ZC3H18: variants seen among roughly 807,000 people sequenced by gnomAD.
The protein encoded by ZC3H18 is zinc finger CCCH-type containing 18.
Under a neutral mutation model 106.1 loss-of-function variants are expected in ZC3H18, and 8 were observed. The observed-to-expected ratio is 0.08, with a 90% CI of 0.04 to 0.14. ZC3H18 has a LOEUF of 0.14. ZC3H18 is among the 10% of genes least tolerant of loss of function. The pLI is 1.00. For missense variants in ZC3H18, 1,318 were observed against 1,278.4 expected (o/e 1.03, Z -0.47); for synonymous variants, 635 against 522.1 (o/e 1.22, Z -2.95).
intron 3 of ZC3H18, among the ~76,000 whole-genome samples, chr16:88,595,705 G>C (rs1001724480): frequency 6.6e-6 from 1 of 151,492 alleles, no homozygotes; most frequent in Non-Finnish European, 1.5e-5. Flanking sequence ...TACTCGGGAG[G>C]CTGAGGCAGG....
rs554138711 is a variant in ZC3H18, at chr16:88,624,335, C to G, written c.1899-267C>G. 65 of 656,314 alleles carry G rather than the reference C, an allele frequency of 9.9e-5. 1 individual carries two copies. In the South Asian group the frequency reaches 1.2e-3, roughly 12 times the overall value. The allele number at this position is 656,314 out of a possible 1,614,324, so 40.7% of individuals were successfully genotyped here. ...AGCCGGGTGTTCTTAAGGGGTCTTC[C>G]TATTAGCCTGCTCTCCCCACTGCCT... On this transcript the variant is annotated intron_variant, in intron 11 of 17. Transcript: ENST00000301011.
At chr16:88,579,358 C>T (rs769399489) in intron 2 of ZC3H18, among the ~76,000 whole-genome samples, 1 of 152,106 alleles carries the variant, frequency 6.6e-6, no homozygotes, top group Non-Finnish European at 1.5e-5. Context: ...CCTGTCTGCA[C>T]CACCACTGGG....
chr16:88,605,064 C>G (rs1325525009), intron 6 of ZC3H18, among the ~76,000 whole-genome samples: 2 of 152,380 alleles, frequency 1.3e-5, no homozygotes, highest in East Asian at 3.9e-4. Flanking sequence ...AGCACACTCC[C>G]TTTCCTCAGG....
intron 1 of ZC3H18, among the ~76,000 whole-genome samples, chr16:88,572,157 CACT>C (rs1914447092): frequency 2.0e-5 from 3 of 152,352 alleles, no homozygotes; most frequent in Admixed American, 6.5e-5. Flanking sequence ...GATTTGCCAC[CACT>C]AAGAATACCA....
At chr16:88,577,788 G>A in intron 2 of ZC3H18, 62 bp downstream of exon 2, 1 of 1,610,114 alleles carries the variant, frequency 6.2e-7, no homozygotes, top group East Asian at 2.2e-5. Flanking sequence ...ATAGACTGGT[G>A]CTGGAAAGGA....
chr16:88,628,807 G>A lies in ZC3H18; in HGVS notation c.2519G>A (p.Arg840Lys), dbSNP rs1280264895. 9.9e-6 allele frequency: 16 copies of A among 1,614,146 alleles called. No homozygotes were observed. The highest frequency in any genetic ancestry group is 1.3e-5 in the Non-Finnish European group (15 of 1,180,010). ...RKRYEPSDKD[R>K]QSPPPAKRPN... is the part of the protein sequence containing the mutation. ...CGCTATGAACCATCAGACAAGGACA[G>A]GCAGAGCCCTCCTCCAGCCAAGCGG... Residue 840 changes from arginine to lysine, a missense_variant, in exon 16 of 18, where the codon AGG (arginine) becomes AAG (lysine). Arg to Lys is a conservative substitution (Grantham distance 26). Around this residue, in one of 6 missense-constraint regions of ZC3H18, gnomAD observed 848 missense variants for 821.7 expected, o/e 1.03. Coordinates refer to ENST00000301011, the MANE Select transcript of ZC3H18 (RefSeq NM_144604.4).
chr16:88,582,350 G>A (rs7185613), intron 2 of ZC3H18, among the ~76,000 whole-genome samples: 25,977 of 147,916 alleles, frequency 0.18, 2,270 homozygotes, highest in East Asian at 0.25. Context: ...TTAGCCTCCC[G>A]ATTAGCTGGG....
In ZC3H18 at chr16:88,631,370, A is replaced by C. The variant is rs563015750; in HGVS notation, c.*71A>C. On this transcript the variant is annotated 3_prime_UTR_variant, in exon 18 of 18. Coordinates refer to ENST00000301011, the MANE Select transcript of ZC3H18 (RefSeq NM_144604.4). The stretch of plus-strand genomic sequence containing the variant: ...CGCAGCCATTTTGGATTTTGCAGTT[A>C]ATGTCTTATTTTGGCTGTGATTCTT... The C allele has an allele frequency of 7.2e-6, 11 of 1,530,616 alleles. No individual in the cohort carries two copies. Among genetic ancestry groups the C allele is most frequent in the Non-Finnish European group, 3.5e-6 (4 of 1,132,214 alleles). The allele number at this position is 1,530,616 out of a possible 1,614,324, so 94.8% of individuals were successfully genotyped here.
intron 6 of ZC3H18, among the ~76,000 whole-genome samples, chr16:88,600,614 T>C (rs1014818865): frequency 1.3e-5 from 2 of 152,212 alleles, no homozygotes; most frequent in East Asian, 3.8e-4. Context: ...GATTTCACCA[T>C]GTTGGCCAGG....
intron 1 of ZC3H18, chr16:88,571,703 A>G: frequency 2.0e-6 from 2 of 984,072 alleles, no homozygotes; most frequent in Non-Finnish European, 1.2e-6. Context: ...CATCGTGTTT[A>G]CAGAGATTTG....
At chr16:88,576,128 C>T (rs1283515505) in intron 1 of ZC3H18, among the ~76,000 whole-genome samples, 1 of 152,098 alleles carries the variant, frequency 6.6e-6, no homozygotes, top group Non-Finnish European at 1.5e-5. Context: ...TCTCGATCTC[C>T]TGACCTCATG....
intron 3 of ZC3H18, among the ~76,000 whole-genome samples, chr16:88,593,881 G>T (rs1019546170): frequency 1.4e-4 from 22 of 152,202 alleles, no homozygotes; most frequent in African/African-American, 4.8e-4. Context: ...ACCATTGCAG[G>T]ATGTCACAGA....
intron 3 of ZC3H18, among the ~76,000 whole-genome samples, chr16:88,595,689 C>G (rs1022338428): frequency 6.6e-6 from 1 of 151,160 alleles, no homozygotes; most frequent in Non-Finnish European, 1.5e-5. Context: ...CACCTGTAAT[C>G]CCAGCTACTC....
intron 6 of ZC3H18, 120 bp from the exon 7 acceptor site, chr16:88,608,814 G>A (rs768805470): frequency 3.7e-5 from 27 of 728,850 alleles, no homozygotes; most frequent in Admixed American, 1.5e-4. Flanking sequence ...CCAACCTTGC[G>A]CTCCTGGAGT....
rs747168656 is a variant in ZC3H18 at position 88,611,335 on chromosome 16, G to C, written c.1274G>C (p.Arg425Pro). The change falls in exon 8 of 18, where the codon CGA (arginine) becomes CCA (proline). Residue 425 changes from arginine (R) to proline (P), a missense_variant. Physicochemically the swap from Arg to Pro is moderately radical, Grantham distance 103. This residue lies in a region of ZC3H18 where 848 missense variants were observed against 821.7 expected (regional missense o/e 1.03). Transcript: ENST00000301011. ...RERERERERD[R>P]ERERRQRERE... Reference sequence around the variant, plus strand: ...CGCGAGCGGGAGCGGGAGCGGGACCGAGAGCGGGAGCGCCGGCAGAGGGAG... The same window carrying C: ...CGCGAGCGGGAGCGGGAGCGGGACCCAGAGCGGGAGCGCCGGCAGAGGGAG... 1.3e-6 allele frequency: 1 copy of C among 783,492 alleles called. No homozygotes were observed. The highest frequency in any genetic ancestry group is 2.0e-5 in the Admixed American group (1 of 50,070). The allele number at this position is 783,492 out of a possible 1,614,324, so 48.5% of individuals were successfully genotyped here. A position where few individuals can be genotyped will look rare whatever the true frequency, so the allele number is the denominator to read the frequency against.
chr16:88,623,814 A>G, intron 10 of ZC3H18, 144 bp from the exon 11 acceptor site: 1 of 1,392,888 alleles, frequency 7.2e-7, no homozygotes, highest in Non-Finnish European at 9.5e-7. Flanking sequence ...CAGATGACAG[A>G]ACAGTCCAGA....
intron 2 of ZC3H18, among the ~76,000 whole-genome samples, chr16:88,585,902 A>T (rs1376579692): frequency 6.6e-6 from 1 of 152,030 alleles, no homozygotes; most frequent in African/African-American, 2.4e-5. Flanking sequence ...GTCCTGTGTC[A>T]GGGATGTCAG....
chr16:88,599,129 A>C (rs1013172257), intron 5 of ZC3H18, among the ~76,000 whole-genome samples: 4 of 152,208 alleles, frequency 2.6e-5, no homozygotes, highest in African/African-American at 9.7e-5. Flanking sequence ...GCACTGGGCC[A>C]CACCCCAGCT....
At chr16:88,623,670 C>CT (rs1906110756) in intron 10 of ZC3H18, 2 of 557,236 alleles carry the variant, frequency 3.6e-6, no homozygotes, top group Non-Finnish European at 6.2e-6. Context: ...AGCTGTGCTG[C>CT]TGCCCCACTG....
Sources: gnomAD v4.1 joint callset for allele counts (sites outside exome capture counted in the v4.1 genomes callset) on GRCh38, gnomAD v4.1.1 for gene constraint, gnomAD v4.1.1 regional missense constraint, MANE v1.5 for transcripts, NCBI Gene and HGNC (gene_info 2026-07-23, HGNC 2026-07-21) for gene names.